Variants in POLR1A observed in about 807,000 individuals in gnomAD.
POLR1A encodes DNA-directed RNA polymerase I subunit RPA1.
Under a neutral mutation model 205.3 loss-of-function variants are expected in POLR1A, and 84 were observed. The observed-to-expected ratio is 0.41, with a 90% confidence interval of 0.34 to 0.49. POLR1A has a LOEUF of 0.49. Among genes scored for constraint, POLR1A ranks in the 20% least tolerant of loss-of-function variants. The pLI, the probability that POLR1A is intolerant of heterozygous loss-of-function variation, is 0.22. For synonymous variants in POLR1A, 799 were observed against 863.7 expected (o/e 0.93, Z 1.31); for missense variants, 1,645 against 2,204.5 (o/e 0.75, Z 5.08).
chr2:86,040,610 G>A, intron 24 of POLR1A, 51 bp from the exon 25 acceptor site: 3 of 1,392,266 alleles, frequency 2.2e-6, no homozygotes, highest in Non-Finnish European at 2.9e-6. Flanking sequence ...GGGGTCAGGA[G>A]CAGACACCAC....
chr2:86,071,184 A>AC (rs1273020418), intron 12 of POLR1A, among the ~76,000 whole-genome samples: 1 of 150,932 alleles, frequency 6.6e-6, no homozygotes. Context: ...TGAAAAAAAA[A>AC]AACAATTTAA....
chr2:86,043,408 T>A (rs534752343), intron 22 of POLR1A, among the ~76,000 whole-genome samples: 3 of 151,986 alleles, frequency 2.0e-5, no homozygotes, highest in South Asian at 2.1e-4. Flanking sequence ...TGGGAACCAA[T>A]GGTCTTGGGA....
At chr2:86,045,407 G>T in intron 20 of POLR1A, 47 bp from the exon 21 acceptor site, 1 of 1,485,758 alleles carries the variant, frequency 6.7e-7, no homozygotes, top group Non-Finnish European at 9.4e-7. Context: ...TGAGGACAGT[G>T]CGCTTCCTGA....
Position 86,031,484 on chromosome 2 carries a change from G to A in POLR1A, c.4424C>T (p.Ser1475Phe), listed in dbSNP as rs1346664128. The A allele has an allele frequency of 1.9e-6, 3 of 1,613,980 alleles. No individual in the cohort carries two copies. Among genetic ancestry groups the A allele is most frequent in the Non-Finnish European group, 2.5e-6 (3 of 1,179,922 alleles). Residue 1475 changes from serine to phenylalanine, a missense_variant, in exon 30 of 34, where the codon TCC (serine) becomes TTC (phenylalanine). By Grantham distance (155) the Ser-to-Phe change is radical. Coordinates refer to ENST00000263857, the MANE Select transcript of POLR1A (RefSeq NM_015425.6). Reference protein sequence around the residue: ...EVGLGTEEDPSLPALLTQPRK... With the variant: ...EVGLGTEEDPFLPALLTQPRK... ...GGGCTGCGTCAGGAGGGCGGGAAGG[G>A]ACGGGTCCTCCTCAGTGCCTAAGCC...
In POLR1A at chr2:86,073,221, A is replaced by T. The variant is rs1203863756; in HGVS notation, c.1611+1809T>A. Reference sequence around the variant, plus strand: ...CTCAAAAAAAAATAAAATAAAAAAAAAAAAAATGACAGGTTTTGGTGGGTA... The same window carrying T: ...CTCAAAAAAAAATAAAATAAAAAAATAAAAAATGACAGGTTTTGGTGGGTA... On this transcript the variant is annotated intron_variant, in intron 12 of 33. Coordinates refer to ENST00000263857, the MANE Select transcript of POLR1A (RefSeq NM_015425.6). 5.6e-3 allele frequency among the ~76,000 whole-genome samples: 848 copies of T among 152,176 alleles called. 12 individuals are homozygous for T. Among genetic ancestry groups the T allele is most frequent in the African/African-American group, 0.019 (803 of 41,494 alleles).
In POLR1A at chr2:86,025,045, G is replaced by A. The variant is rs910934016; in HGVS notation, c.*2378C>T. The A allele has an allele frequency of 6.6e-6, 1 of 152,228 alleles. No individual in the cohort carries two copies. The highest frequency in any genetic ancestry group is 1.5e-5 in the Non-Finnish European group (1 of 68,060). The allele number at this position is 152,228 out of a possible 1,614,324, so 9.4% of individuals were successfully genotyped here. A position where few individuals can be genotyped will look rare whatever the true frequency, so the allele number is the denominator to read the frequency against. On this transcript the variant is annotated 3_prime_UTR_variant, in exon 34 of 34. Coordinates refer to ENST00000263857, the MANE Select transcript of POLR1A (RefSeq NM_015425.6). Reference sequence around the variant, plus strand: ...TCAGCTACTCGGGAGGCTGAGGCAGGAGAATCGCTTGAACTCGGGAGATGG... The same window carrying A: ...TCAGCTACTCGGGAGGCTGAGGCAGAAGAATCGCTTGAACTCGGGAGATGG...
chr2:86,044,353 G>A (rs1433216061), intron 21 of POLR1A, 49 bp from the exon 22 acceptor site: 2 of 1,606,346 alleles, frequency 1.2e-6, no homozygotes, highest in Non-Finnish European at 8.5e-7. Flanking sequence ...CACCTCCCCA[G>A]GGCAGCCTCT....
intron 30 of POLR1A, among the ~76,000 whole-genome samples, chr2:86,030,919 C>T (rs922463121): frequency 1.3e-5 from 2 of 152,188 alleles, no homozygotes; most frequent in African/African-American, 2.4e-5. Context: ...AGGGCACGAA[C>T]AGTGTCTCTA....
At chr2:86,089,441 C>T (rs1673562687) in intron 4 of POLR1A, among the ~76,000 whole-genome samples, 1 of 152,182 alleles carries the variant, frequency 6.6e-6, no homozygotes, top group Non-Finnish European at 1.5e-5. Context: ...ATTATCTACC[C>T]ATTCATTCAT....
At position 86,088,403 on chromosome 2, in the gene POLR1A, T is replaced by C. The variant is rs2288119; in HGVS notation, c.730+163A>G. The stretch of plus-strand genomic sequence containing the variant: ...ATGTGAGAGGCCTGAGCTGGGCGCT[T>C]GCCAGGGTCCCCTCAGGCCTGAGAG... On this transcript the variant is annotated intron_variant, in intron 6 of 33. Transcript: ENST00000263857. Among the ~76,000 whole-genome samples, 114,821 of 152,174 alleles carry C rather than the reference T, an allele frequency of 0.75. 44,734 individuals are homozygous for C. Among genetic ancestry groups the C allele is most frequent in the South Asian group, 0.85 (4,116 of 4,828 alleles).
intron 31 of POLR1A, among the ~76,000 whole-genome samples, chr2:86,029,287 G>C (rs1350978727): frequency 6.6e-6 from 1 of 152,182 alleles, no homozygotes; most frequent in Non-Finnish European, 1.5e-5. Flanking sequence ...GTGGTCATTG[G>C]TGGGGGCAGA....
At chr2:86,047,058 C>T in intron 19 of POLR1A, 107 bp downstream of exon 19, 1 of 707,884 alleles carries the variant, frequency 1.4e-6, no homozygotes, top group Non-Finnish European at 2.5e-6. Flanking sequence ...ACGCTTTCCT[C>T]TTTTTACTTG....
In POLR1A at chr2:86,081,586, A is replaced by G. The variant is rs780367099; in HGVS notation, c.923+15T>C. 6.7e-7 allele frequency: 1 copy of G among 1,487,154 alleles called. No individual in the cohort carries two copies. Among genetic ancestry groups the G allele is most frequent in the East Asian group, 2.3e-5 (1 of 44,284 alleles). The allele number at this position is 1,487,154 out of a possible 1,614,324, so 92.1% of individuals were successfully genotyped here. A position where few individuals can be genotyped will look rare whatever the true frequency, so the allele number is the denominator to read the frequency against. Reference sequence around the variant, plus strand: ...GCTTTTTTTCAGGTGAAATAAGTTAATTAAAGGGTATTACCTTGAGGGCGG... The same window carrying G: ...GCTTTTTTTCAGGTGAAATAAGTTAGTTAAAGGGTATTACCTTGAGGGCGG... On this transcript the variant is annotated intron_variant, in intron 8 of 33. Transcript: ENST00000263857.
Position 86,096,181 on chromosome 2 carries a change from G to A in POLR1A, c.432+2430C>T, listed in dbSNP as rs1284649509. On this transcript the variant is annotated intron_variant, in intron 3 of 33. Transcript: ENST00000263857. Reference sequence around the variant, plus strand: ...AAAAAGAAATCAAGAAGGCAATCCCGTTTATAATAGCTACCAAAAAAATAC... The same window carrying A: ...AAAAAGAAATCAAGAAGGCAATCCCATTTATAATAGCTACCAAAAAAATAC... Among the ~76,000 whole-genome samples the A allele has an allele frequency of 2.0e-5, 3 of 151,920 alleles. No individual in the cohort carries two copies. The East Asian group carries it at 5.8e-4, about 29-fold the overall frequency.
chr2:86,078,308 A>G, intron 9 of POLR1A, 24 bp from the exon 10 acceptor site: 1 of 1,550,096 alleles, frequency 6.5e-7, no homozygotes. Flanking sequence ...CCAAGAAAAC[A>G]GGGATGATGG....
At chr2:86,066,745 C>A (rs1360674565) in intron 13 of POLR1A, among the ~76,000 whole-genome samples, 1 of 152,202 alleles carries the variant, frequency 6.6e-6, no homozygotes, top group Non-Finnish European at 1.5e-5. Context: ...GGTCTAAACA[C>A]TACAGTGATG....
chr2:86,078,046 T>C, intron 10 of POLR1A, 65 bp from the exon 11 acceptor site: 1 of 1,612,688 alleles, frequency 6.2e-7, no homozygotes, highest in East Asian at 2.2e-5. Context: ...ATTAGTTTCT[T>C]GTTTCAATAC....
At chr2:86,065,672 T>C (rs1673073473) in intron 13 of POLR1A, 3 of 563,386 alleles carry the variant, frequency 5.3e-6, no homozygotes, top group African/African-American at 1.9e-5. Flanking sequence ...GCTTCTACGT[T>C]TGCCATTTGC....
chr2:86,041,440 A>G (rs917847742), intron 24 of POLR1A, among the ~76,000 whole-genome samples: 1 of 152,090 alleles, frequency 6.6e-6, no homozygotes, highest in Non-Finnish European at 1.5e-5. Flanking sequence ...TGAGGCCTTC[A>G]AATGGGAACC....
Sources: allele counts gnomAD v4.1 joint callset (sites outside exome capture counted in the v4.1 genomes callset), GRCh38; gene constraint gnomAD v4.1.1; transcripts MANE v1.5; gene names NCBI Gene and HGNC (gene_info 2026-07-23, HGNC 2026-07-21).